KCNT2: variants seen among roughly 807,000 people sequenced by gnomAD.
KCNT2 encodes potassium channel subfamily T member 2.
Under a neutral mutation model 153.8 loss-of-function variants are expected in KCNT2, and 67 were observed. That is an observed-to-expected ratio of 0.44 (90% CI 0.36 to 0.53). The LOEUF (loss-of-function observed/expected upper bound fraction) is 0.53. Among genes scored for constraint, KCNT2 ranks in the 20% least tolerant of loss-of-function variants. The pLI is 0.00. For synonymous variants in KCNT2, 500 were observed against 458.8 expected (o/e 1.09, Z -1.15); for missense variants, 975 against 1,354.8 (o/e 0.72, Z 4.40).
chr1:196,343,360 C>T (rs1314242429), intron 14 of KCNT2, among the ~76,000 whole-genome samples: 2 of 152,116 alleles, frequency 1.3e-5, no homozygotes, highest in Non-Finnish European at 2.9e-5. Flanking sequence ...GGTTATTTCT[C>T]ATTTTATATA....
intron 26 of KCNT2, among the ~76,000 whole-genome samples, chr1:196,242,741 C>G (rs1655070985): frequency 6.6e-6 from 1 of 152,130 alleles, no homozygotes; most frequent in Non-Finnish European, 1.5e-5. Context: ...TTCACAGACC[C>G]TTTTAGCAAT....
intron 25 of KCNT2, among the ~76,000 whole-genome samples, chr1:196,279,952 T>A (rs6691891): frequency 0.44 from 67,291 of 151,894 alleles, 17,705 homozygotes; most frequent in East Asian, 0.7. Context: ...TAGAAATTAC[T>A]GAAATGTATG....
intron 12 of KCNT2, among the ~76,000 whole-genome samples, chr1:196,399,033 T>A (rs1014681896): frequency 2.6e-5 from 4 of 151,518 alleles, no homozygotes; most frequent in Non-Finnish European, 5.9e-5. Context: ...CATATAATAA[T>A]AACATGCTTA....
In KCNT2 at chr1:196,342,257, C is replaced by G. The variant is rs372193894; in HGVS notation, c.1404-29G>C. On this transcript the variant is annotated intron_variant, in intron 14 of 27. Coordinates refer to ENST00000294725, the MANE Select transcript of KCNT2 (RefSeq NM_198503.5). Reference sequence around the variant, plus strand: ...CAACACAGGCACACACACATACACACACACAAAAAGAAAACACAGTGAATG... The same window carrying G: ...CAACACAGGCACACACACATACACAGACACAAAAAGAAAACACAGTGAATG... 410 of 1,576,132 alleles carry G rather than the reference C, an allele frequency of 2.6e-4. 8 individuals are homozygous for G. The Middle Eastern group carries it at 0.018, about 69-fold the overall frequency.
intron 5 of KCNT2, among the ~76,000 whole-genome samples, chr1:196,469,867 T>A (rs1194352945): frequency 6.6e-6 from 1 of 152,126 alleles, no homozygotes; most frequent in Admixed American, 6.6e-5. Flanking sequence ...TATGAAGAGA[T>A]CTATGTATTA....
intron 26 of KCNT2, among the ~76,000 whole-genome samples, chr1:196,240,058 G>A (rs534902547): frequency 7.9e-5 from 12 of 152,110 alleles, no homozygotes; most frequent in African/African-American, 2.7e-4. Context: ...TAAACTTCTA[G>A]TGTTTAAACC....
At chr1:196,546,499 T>G (rs1006420611) in intron 1 of KCNT2, among the ~76,000 whole-genome samples, 10 of 152,064 alleles carry the variant, frequency 6.6e-5, no homozygotes, top group South Asian at 6.2e-4. Context: ...GAGTGCTTTC[T>G]AAGTCACCTC....
chr1:196,601,339 A>G (rs575515409), intron 1 of KCNT2, among the ~76,000 whole-genome samples: 39 of 152,344 alleles, frequency 2.6e-4, no homozygotes, highest in African/African-American at 8.4e-4. Flanking sequence ...ATAGCCTAGC[A>G]CAACTGTAAT....
intron 13 of KCNT2, among the ~76,000 whole-genome samples, chr1:196,387,446 T>G (rs1366291460): frequency 6.6e-6 from 1 of 151,988 alleles, no homozygotes; most frequent in African/African-American, 2.4e-5. Context: ...CTATCATATC[T>G]GTATGTCCAC....
intron 12 of KCNT2, among the ~76,000 whole-genome samples, chr1:196,400,352 G>A (rs145536851): frequency 0.014 from 2,133 of 151,810 alleles, 26 homozygotes; most frequent in Non-Finnish European, 0.02. Flanking sequence ...ATTTCATTAT[G>A]TTTAGTGTTG....
chr1:196,358,234 C>T lies in KCNT2; in HGVS notation c.1403+14906G>A, dbSNP rs1024770777. 2.6e-5 allele frequency among the ~76,000 whole-genome samples: 4 copies of T among 151,488 alleles called. 1 individual carries two copies. The highest frequency in any genetic ancestry group is 9.7e-5 in the African/African-American group (4 of 41,346). ...ATTTCTATGAGATTATCTTCCAAAA[C>T]AATTTTTTTTTTTAAATTTCAGCAA... On this transcript the variant is annotated intron_variant, in intron 14 of 27. Coordinates refer to ENST00000294725, the MANE Select transcript of KCNT2 (RefSeq NM_198503.5).
chr1:196,427,291 AAC>A lies in KCNT2; in HGVS notation c.984+812_984+813del, dbSNP rs1328632337. Among the ~76,000 whole-genome samples the A allele has an allele frequency of 2.6e-5, 4 of 152,194 alleles. No individual in the cohort carries two copies. In the East Asian group the frequency reaches 7.7e-4, roughly 29 times the overall value. On this transcript the variant is annotated intron_variant, in intron 10 of 27. Transcript: ENST00000294725. Reference sequence around the variant, plus strand: ...ATCAATTATAAATTAGGTGTTTTAAAACACAAAAATATAGTATTTATAAAGGT... The same window carrying A: ...ATCAATTATAAATTAGGTGTTTTAAAACAAAAATATAGTATTTATAAAGGT...
At chr1:196,430,096 T>C (rs528238070) in intron 8 of KCNT2, among the ~76,000 whole-genome samples, 80 of 151,996 alleles carry the variant, frequency 5.3e-4, no homozygotes, top group Non-Finnish European at 1.0e-3. Flanking sequence ...CCTACCAAAA[T>C]ACCAAGTCTT....
intron 21 of KCNT2, among the ~76,000 whole-genome samples, chr1:196,315,300 G>A (rs1329278018): frequency 6.6e-6 from 1 of 151,606 alleles, no homozygotes; most frequent in Non-Finnish European, 1.5e-5. Flanking sequence ...AGACGAGTTT[G>A]ACTTTACTTA....
chr1:196,258,517 T>G, intron 25 of KCNT2, 23 bp from the exon 26 acceptor site: 4 of 1,344,516 alleles, frequency 3.0e-6, no homozygotes, highest in Middle Eastern at 1.9e-4. Context: ...TAGATATTGA[T>G]AATTAGATAC....
At chr1:196,572,318 A>G (rs1377232630) in intron 1 of KCNT2, among the ~76,000 whole-genome samples, 1 of 152,048 alleles carries the variant, frequency 6.6e-6, no homozygotes, top group Non-Finnish European at 1.5e-5. Context: ...AGTAGCCTAA[A>G]CTTGGGTAGT....
At chr1:196,359,133 T>C (rs565960095) in intron 14 of KCNT2, among the ~76,000 whole-genome samples, 1 of 152,122 alleles carries the variant, frequency 6.6e-6, no homozygotes, top group African/African-American at 2.4e-5. Flanking sequence ...AGTACTGTGA[T>C]TAATGAAAGA....
chr1:196,395,164 A>G (rs1285262585), intron 13 of KCNT2, among the ~76,000 whole-genome samples: 1 of 151,430 alleles, frequency 6.6e-6, no homozygotes, highest in African/African-American at 2.4e-5. Flanking sequence ...TTGTTTTCCT[A>G]AAATATTTTA....
chr1:196,281,099 G>T, intron 24 of KCNT2, 111 bp from the exon 25 acceptor site: 1 of 786,742 alleles, frequency 1.3e-6, no homozygotes, highest in Non-Finnish European at 2.1e-6. Flanking sequence ...GTCTCACTCT[G>T]TCACCCAGGC....
Sources: allele counts gnomAD v4.1 joint callset (sites outside exome capture counted in the v4.1 genomes callset), GRCh38; gene constraint gnomAD v4.1.1; transcripts MANE v1.5; gene names NCBI Gene and HGNC (gene_info 2026-07-23, HGNC 2026-07-21).